The following MYO10 variants were observed in gnomAD, a reference collection of about 807,000 sequenced individuals.
The protein encoded by MYO10 is unconventional myosin-X.
A neutral mutation model predicts 257.3 loss-of-function variants in MYO10; 133 were observed. The ratio of observed to expected loss-of-function variants is 0.52; its 90% CI spans 0.45 to 0.60. The LOEUF (loss-of-function observed/expected upper bound fraction) is 0.60, where lower values mean the gene tolerates loss of function less well. MYO10 is among the 20% of genes least tolerant of loss of function. MYO10 has a pLI of 0.00. For missense variants in MYO10, 2,399 were observed against 2,635.7 expected (o/e 0.91, Z 1.97); for synonymous variants, 1,104 against 1,028.6 (o/e 1.07, Z -1.40).
intron 19 of MYO10, among the ~76,000 whole-genome samples, chr5:16,718,835 G>A (rs905139982): frequency 7.9e-5 from 12 of 152,186 alleles, no homozygotes; most frequent in Non-Finnish European, 1.5e-4. Flanking sequence ...GGGCCTTGGA[G>A]AACCTGTGTG....
rs201232768 is a variant in MYO10 at position 16,847,248 on chromosome 5, AC to A, written c.121-29082del. Among the ~76,000 whole-genome samples the A allele has an allele frequency of 9.7e-3, 1,473 of 152,134 alleles. 11 individuals are homozygous for A. The highest frequency in any genetic ancestry group is 0.029 in the East Asian group (148 of 5,166). On this transcript the variant is annotated intron_variant, in intron 2 of 40. Coordinates refer to ENST00000513610, the MANE Select transcript of MYO10 (RefSeq NM_012334.3). ...AGACCATCCTGGCTAACACAGTGAA[AC>A]CCCGTCTCTATTAAAATACAAAAAA... is the stretch of plus-strand genomic sequence containing the variant.
rs1736086681 is a variant in MYO10, at chr5:16,664,674, T to C, written c.*2018A>G. ...CTGTGTGTTCTGGTCCACAGGGAGGTGCAGGCAGGTTCTAGGATCCAGGGT... is the reference window on the plus strand; with the variant it reads ...CTGTGTGTTCTGGTCCACAGGGAGGCGCAGGCAGGTTCTAGGATCCAGGGT... On this transcript the variant is annotated 3_prime_UTR_variant, in exon 41 of 41. Coordinates refer to ENST00000513610, the MANE Select transcript of MYO10 (RefSeq NM_012334.3). The C allele has an allele frequency of 6.6e-6, 1 of 152,080 alleles. No individual in the cohort carries two copies. The highest frequency in any genetic ancestry group is 1.5e-5 in the Non-Finnish European group (1 of 68,072). The allele number at this position is 152,080 out of a possible 1,614,324, so 9.4% of individuals were successfully genotyped here.
At chr5:16,778,486 T>G (rs1409341370) in intron 9 of MYO10, among the ~76,000 whole-genome samples, 1 of 151,884 alleles carries the variant, frequency 6.6e-6, no homozygotes, top group Non-Finnish European at 1.5e-5. Context: ...TGCTTTTGGG[T>G]CGATGAGGGA....
intron 9 of MYO10, among the ~76,000 whole-genome samples, chr5:16,772,723 G>C (rs1034360648): frequency 9.2e-5 from 14 of 152,140 alleles, no homozygotes; most frequent in African/African-American, 3.1e-4. Flanking sequence ...TGGGTGAATG[G>C]ATAAACAAAC....
chr5:16,888,273 A>G (rs753302335), intron 1 of MYO10, among the ~76,000 whole-genome samples: 14 of 152,140 alleles, frequency 9.2e-5, no homozygotes, highest in Non-Finnish European at 1.8e-4. Context: ...TCACACCTGT[A>G]ATCTCAACAC....
chr5:16,853,246 C>T (rs1157438685), intron 2 of MYO10, among the ~76,000 whole-genome samples: 2 of 151,832 alleles, frequency 1.3e-5, no homozygotes, highest in Admixed American at 6.6e-5. Context: ...TAGTGGTGGG[C>T]GCCTGTAGTC....
chr5:16,807,915 C>T lies in MYO10; in HGVS notation c.279+10094G>A, dbSNP rs145284938. ...TTCATCGTTTGCCTGTGTCTGTCTT[C>T]ACTAATCAATTAGGGACCTTTCATT... On this transcript the variant is annotated intron_variant, in intron 3 of 40. Coordinates refer to ENST00000513610, the MANE Select transcript of MYO10 (RefSeq NM_012334.3). Among the ~76,000 whole-genome samples, 1,170 of 152,250 alleles carry T rather than the reference C, an allele frequency of 7.7e-3. 13 individuals are homozygous for T. Among genetic ancestry groups the T allele is most frequent in the Non-Finnish European group, 8.3e-3 (562 of 68,028 alleles).
intron 1 of MYO10, among the ~76,000 whole-genome samples, chr5:16,880,489 G>C (rs1023818271): frequency 6.6e-6 from 1 of 151,674 alleles, no homozygotes; most frequent in Non-Finnish European, 1.5e-5. Flanking sequence ...CATTTCCCTG[G>C]TACATGCTAT....
chr5:16,689,732 G>T, intron 28 of MYO10, 92 bp downstream of exon 28: 1 of 1,050,430 alleles, frequency 9.5e-7, no homozygotes, highest in Non-Finnish European at 1.5e-6. Flanking sequence ...ATTTTTCAAG[G>T]CCAGTACAGT....
At chr5:16,780,289 C>T (rs1158916790) in intron 8 of MYO10, among the ~76,000 whole-genome samples, 3 of 134,154 alleles carry the variant, frequency 2.2e-5, no homozygotes, top group African/African-American at 5.4e-5. Flanking sequence ...ACATCCTTTA[C>T]ATTAAAAATG....
chr5:16,666,840 A>T (rs1736195363), intron 40 of MYO10, 47 bp from the exon 41 acceptor site: 1 of 1,455,678 alleles, frequency 6.9e-7, no homozygotes. Context: ...AGTCTCCCCC[A>T]GGCAAAGGGC....
At chr5:16,757,194 G>A (rs925364697) in intron 18 of MYO10, among the ~76,000 whole-genome samples, 3 of 150,920 alleles carry the variant, frequency 2.0e-5, no homozygotes, top group South Asian at 2.1e-4. Flanking sequence ...GGAGGCTGAG[G>A]GGGGAGAATC....
intron 2 of MYO10, among the ~76,000 whole-genome samples, chr5:16,838,468 G>A (rs1182438316): frequency 6.6e-6 from 1 of 152,212 alleles, no homozygotes; most frequent in Non-Finnish European, 1.5e-5. Flanking sequence ...AAGGCTGAGA[G>A]GTCAGTAAGC....
intron 21 of MYO10, 114 bp from the exon 22 acceptor site, chr5:16,704,799 A>G: frequency 1.3e-6 from 1 of 755,818 alleles, no homozygotes; most frequent in South Asian, 1.7e-5. Context: ...AGTTTGATCC[A>G]CCACATGGCC....
At chr5:16,807,346 G>A (rs190090530) in intron 3 of MYO10, among the ~76,000 whole-genome samples, 1 of 152,224 alleles carries the variant, frequency 6.6e-6, no homozygotes, top group East Asian at 1.9e-4. Flanking sequence ...ACCCAAATGA[G>A]TAATCCAGTA....
chr5:16,856,986 C>A (rs1458920599), intron 2 of MYO10, among the ~76,000 whole-genome samples: 1 of 152,204 alleles, frequency 6.6e-6, no homozygotes, highest in Non-Finnish European at 1.5e-5. Context: ...ATGTATCAGC[C>A]TATCATGGCA....
intron 2 of MYO10, among the ~76,000 whole-genome samples, chr5:16,831,041 A>T (rs1416587771): frequency 6.6e-6 from 1 of 152,138 alleles, no homozygotes; most frequent in Non-Finnish European, 1.5e-5. Context: ...GTTTTGCAAG[A>T]TGTCACTGAG....
At chr5:16,794,432 A>G (rs1741869259) in intron 4 of MYO10, among the ~76,000 whole-genome samples, 1 of 151,688 alleles carries the variant, frequency 6.6e-6, no homozygotes, top group African/African-American at 2.4e-5. Context: ...TATTCTGAGG[A>G]CAAGAGCCAA....
chr5:16,759,965 A>G (rs1344602102), intron 17 of MYO10, among the ~76,000 whole-genome samples: 1 of 152,022 alleles, frequency 6.6e-6, no homozygotes, highest in Non-Finnish European at 1.5e-5. Context: ...ATTCCTATCT[A>G]AGTGACAGGT....
Sources: gnomAD v4.1 joint callset for allele counts (sites outside exome capture counted in the v4.1 genomes callset) on GRCh38, gnomAD v4.1.1 for gene constraint, MANE v1.5 for transcripts, NCBI Gene and HGNC (gene_info 2026-07-23, HGNC 2026-07-21) for gene names.